The following SRPK1 variants were observed in gnomAD, a reference collection of about 807,000 sequenced individuals.
The protein encoded by SRPK1 is SRSF protein kinase 1.
In SRPK1, 52 loss-of-function variants were observed where a neutral mutation model predicts 89.5. That is an observed-to-expected ratio of 0.58 (90% CI 0.46 to 0.73). SRPK1 has a LOEUF of 0.73. SRPK1 is among the 30% of genes least tolerant of loss of function. SRPK1 has a pLI of 0.00. For missense variants in SRPK1, 603 were observed against 780.6 expected (o/e 0.77, Z 2.71); for synonymous variants, 255 against 270.2 (o/e 0.94, Z 0.55).
At chr6:35,900,019 A>AT (rs1354348978) in intron 2 of SRPK1, among the ~76,000 whole-genome samples, 28 of 151,504 alleles carry the variant, frequency 1.8e-4, no homozygotes, top group African/African-American at 6.5e-4. Context: ...AATAATAATA[A>AT]TAAAAAAATA....
intron 6 of SRPK1, among the ~76,000 whole-genome samples, chr6:35,884,495 G>A (rs1006729246): frequency 7.9e-5 from 12 of 152,236 alleles, no homozygotes; most frequent in Admixed American, 3.9e-4. Context: ...GTAGAGGCAG[G>A]AGAGTGACAT....
intron 14 of SRPK1, among the ~76,000 whole-genome samples, chr6:35,839,865 A>T (rs1387473327): frequency 1.3e-5 from 2 of 152,052 alleles, no homozygotes; most frequent in South Asian, 4.1e-4. Context: ...TCTGTAGTAG[A>T]GACAGGGTTT....
In SRPK1 at chr6:35,897,996, A is replaced by G. The variant is rs571412935; in HGVS notation, c.75-6983T>C. Among the ~76,000 whole-genome samples the G allele has an allele frequency of 3.9e-5, 6 of 152,366 alleles. No homozygotes were observed. In the East Asian group the frequency reaches 1.2e-3, roughly 29 times the overall value. The stretch of plus-strand genomic sequence containing the variant: ...CCTGTAATTGCTAAAAGGATCATCT[A>G]TGCAGGCCAATTGATCAATACATTG... On this transcript the variant is annotated intron_variant, in intron 2 of 15. Transcript: ENST00000373825.
chr6:35,883,854 C>A (rs932300825), intron 6 of SRPK1, among the ~76,000 whole-genome samples: 4 of 151,932 alleles, frequency 2.6e-5, no homozygotes, highest in African/African-American at 9.7e-5. Flanking sequence ...CCTGCCTCAG[C>A]CTTCTGAGTA....
At chr6:35,885,296 C>CAGAGAG (rs879265572) in intron 6 of SRPK1, among the ~76,000 whole-genome samples, 35 of 123,894 alleles carry the variant, frequency 2.8e-4, no homozygotes, top group Middle Eastern at 3.9e-3. Context: ...CACACACACA[C>CAGAGAG]ACAGAGAGAG....
At position 35,918,806 on chromosome 6, in the gene SRPK1, A is replaced by C. The variant is rs553995102; in HGVS notation, c.74+1662T>G. The stretch of plus-strand genomic sequence containing the variant: ...AATAAAGCATATGGTCTAAATAGAT[A>C]ATCGAAAGTAACAGATTTCTGGTGC... On this transcript the variant is annotated intron_variant, in intron 2 of 15. Transcript: ENST00000373825. 2.0e-5 allele frequency among the ~76,000 whole-genome samples: 3 copies of C among 152,364 alleles called. No individual in the cohort carries two copies. The East Asian group carries it at 5.8e-4, about 29-fold the overall frequency.
rs1162082730 is a variant in SRPK1, at chr6:35,915,331, C to T, written c.74+5137G>A. On this transcript the variant is annotated intron_variant, in intron 2 of 15. Coordinates refer to ENST00000373825, the MANE Select transcript of SRPK1 (RefSeq NM_003137.5). ...CTGAGGCAGGAGAATGGCATGAACC[C>T]GGGAGGGGGAGCTTGCAGTGAGCCG... 2.8e-5 allele frequency among the ~76,000 whole-genome samples: 4 copies of T among 144,236 alleles called. No homozygotes were observed. In the East Asian group the frequency reaches 6.3e-4, roughly 23 times the overall value. 94.6% of individuals were successfully genotyped at this position (144,236 alleles called of 152,430 possible).
At chr6:35,912,746 T>G (rs1019913603) in intron 2 of SRPK1, among the ~76,000 whole-genome samples, 1 of 152,208 alleles carries the variant, frequency 6.6e-6, no homozygotes, top group African/African-American at 2.4e-5. Flanking sequence ...AAAGTGCCAG[T>G]TATTCCACAA....
intron 9 of SRPK1, 83 bp from the exon 10 acceptor site, chr6:35,870,577 C>A (rs1258041196): frequency 5.6e-6 from 7 of 1,244,932 alleles, no homozygotes; most frequent in South Asian, 1.5e-5. Flanking sequence ...ACTTTAATTA[C>A]TTCCTAATTA....
intron 6 of SRPK1, among the ~76,000 whole-genome samples, chr6:35,885,714 AATCTAAGTAAGATTCG>A (rs1216098449): frequency 6.6e-6 from 1 of 152,228 alleles, no homozygotes; most frequent in Admixed American, 6.5e-5. Flanking sequence ...AGATTTATCC[AATCTAAGTAAGATTCG>A]ACTTCATCTT....
chr6:35,895,309 TAAACACTGTA>T lies in SRPK1; in HGVS notation c.75-4306_75-4297del, dbSNP rs374961287. ...CAAAGTAGAACGTAAGGATTCTTTG[TAAACACTGTA>T]AAGACAGAATTTAGGGGCCAGTTGG... On this transcript the variant is annotated intron_variant, in intron 2 of 15. Transcript: ENST00000373825. 5.8e-3 allele frequency among the ~76,000 whole-genome samples: 889 copies of T among 152,316 alleles called. 3 individuals are homozygous for T. The highest frequency in any genetic ancestry group is 0.01 in the Non-Finnish European group (712 of 68,032).
intron 14 of SRPK1, chr6:35,838,752 G>C: frequency 7.1e-7 from 1 of 1,400,318 alleles, no homozygotes; most frequent in Non-Finnish European, 9.6e-7. Flanking sequence ...TGAGGGAAAA[G>C]CGTCTTGGAA....
At chr6:35,870,886 C>A in intron 9 of SRPK1, 48 bp downstream of exon 9, 1 of 1,498,238 alleles carries the variant, frequency 6.7e-7, no homozygotes, top group Non-Finnish European at 9.2e-7. Context: ...AGAACCCATG[C>A]CCATAGTCCA....
chr6:35,910,130 T>C (rs1022299847), intron 2 of SRPK1, among the ~76,000 whole-genome samples: 14 of 152,120 alleles, frequency 9.2e-5, no homozygotes, highest in Non-Finnish European at 1.9e-4. Context: ...ATTACAGGCA[T>C]GCGCCACCGC....
chr6:35,841,275 A>C (rs978168783), intron 14 of SRPK1, among the ~76,000 whole-genome samples: 12 of 152,214 alleles, frequency 7.9e-5, no homozygotes, highest in African/African-American at 2.9e-4. Context: ...TGGGAATTAC[A>C]TAGCATAGCA....
intron 5 of SRPK1, among the ~76,000 whole-genome samples, chr6:35,887,163 C>T (rs1420196780): frequency 6.6e-6 from 1 of 152,000 alleles, no homozygotes; most frequent in Non-Finnish European, 1.5e-5. Context: ...TTTCAGCGGA[C>T]ATTTTTTTTT....
intron 12 of SRPK1, among the ~76,000 whole-genome samples, chr6:35,867,599 T>C (rs1769934437): frequency 6.6e-6 from 1 of 152,170 alleles, no homozygotes; most frequent in Non-Finnish European, 1.5e-5. Flanking sequence ...GCAGATCACT[T>C]GAGGTCCGGA....
intron 6 of SRPK1, among the ~76,000 whole-genome samples, chr6:35,875,453 A>C (rs1363784184): frequency 6.6e-6 from 1 of 152,080 alleles, no homozygotes; most frequent in Non-Finnish European, 1.5e-5. Flanking sequence ...TGACCTCATA[A>C]TCTACCTGCC....
At chr6:35,897,794 G>A (rs1408524199) in intron 2 of SRPK1, among the ~76,000 whole-genome samples, 2 of 152,148 alleles carry the variant, frequency 1.3e-5, no homozygotes, top group African/African-American at 4.8e-5. Context: ...TTACAGGCAT[G>A]AGCTACCACA....
Sources: gnomAD v4.1 joint callset for allele counts (sites outside exome capture counted in the v4.1 genomes callset) on GRCh38, gnomAD v4.1.1 for gene constraint, MANE v1.5 for transcripts, NCBI Gene and HGNC (gene_info 2026-07-23, HGNC 2026-07-21) for gene names.